Variants in RBFOX1 observed in about 807,000 individuals in gnomAD.
The protein encoded by RBFOX1 is RNA binding protein fox-1 homolog 1.
In RBFOX1, 8 loss-of-function variants were observed where a neutral mutation model predicts 57.7. That is an observed-to-expected ratio of 0.14 (90% CI 0.08 to 0.25). The LOEUF (loss-of-function observed/expected upper bound fraction) is 0.25, where lower values mean the gene tolerates loss of function less well. RBFOX1 is among the 10% of genes least tolerant of loss of function. The pLI is 1.00. For synonymous variants in RBFOX1, 326 were observed against 222.4 expected (o/e 1.47, Z -4.15); for missense variants, 611 against 548.5 (o/e 1.11, Z -1.14).
At chr16:7,379,660 C>G (rs1158939144) in intron 4 of RBFOX1, among the ~76,000 whole-genome samples, 4 of 152,090 alleles carry the variant, frequency 2.6e-5, no homozygotes, top group Non-Finnish European at 4.4e-5. Context: ...GGGTTTTAGA[C>G]AGGGTATTTA....
At chr16:6,989,306 A>G (rs1262908944) in intron 3 of RBFOX1, among the ~76,000 whole-genome samples, 1 of 152,170 alleles carries the variant, frequency 6.6e-6, no homozygotes, top group East Asian at 1.9e-4. Context: ...ATGAAGATAT[A>G]TTTACAATTA....
At chr16:6,140,439 A>G (rs963209005) in intron 1 of RBFOX1, among the ~76,000 whole-genome samples, 18 of 151,998 alleles carry the variant, frequency 1.2e-4, no homozygotes, top group African/African-American at 3.1e-4. Context: ...GAAGTGATCC[A>G]CCCATCTTGG....
intron 2 of RBFOX1, among the ~76,000 whole-genome samples, chr16:6,346,522 A>C (rs1443354487): frequency 6.6e-6 from 1 of 152,166 alleles, no homozygotes; most frequent in Non-Finnish European, 1.5e-5. Context: ...GTAACTAATC[A>C]AGGTGCTTCC....
At chr16:6,872,129 C>T (rs762595754) in intron 3 of RBFOX1, among the ~76,000 whole-genome samples, 11 of 152,086 alleles carry the variant, frequency 7.2e-5, no homozygotes, top group Admixed American at 5.2e-4. Context: ...TAATATGATA[C>T]GCTTTCTTTT....
At chr16:6,782,820 G>A (rs1451534700) in intron 3 of RBFOX1, among the ~76,000 whole-genome samples, 3 of 152,114 alleles carry the variant, frequency 2.0e-5, no homozygotes, top group Non-Finnish European at 4.4e-5. Context: ...TGCTGAAAGT[G>A]GTATGTTAAC....
chr16:6,445,134 G>A (rs986738815), intron 2 of RBFOX1, among the ~76,000 whole-genome samples: 2 of 152,066 alleles, frequency 1.3e-5, no homozygotes. Flanking sequence ...GTTAGACTTG[G>A]GATGATGGGA....
intron 3 of RBFOX1, among the ~76,000 whole-genome samples, chr16:5,810,684 G>A (rs1292600968): frequency 6.6e-6 from 1 of 152,150 alleles, no homozygotes; most frequent in Non-Finnish European, 1.5e-5. Flanking sequence ...CAGGAGTAGG[G>A]TCTTCATACA....
intron 2 of RBFOX1, among the ~76,000 whole-genome samples, chr16:6,647,757 A>T (rs1041653800): frequency 2.6e-5 from 4 of 152,034 alleles, no homozygotes; most frequent in Non-Finnish European, 4.4e-5. Flanking sequence ...TTTTTTAAAG[A>T]TGGGATCTTG....
intron 1 of RBFOX1, among the ~76,000 whole-genome samples, chr16:6,082,400 C>T (rs962633455): frequency 1.7e-5 from 2 of 115,752 alleles, no homozygotes; most frequent in African/African-American, 6.5e-5. Context: ...CATGGGGTCT[C>T]ACCAGGCTGA....
At chr16:7,612,391 CATGAAGTCTTTGGCCA>C (rs2057684152) in intron 10 of RBFOX1, among the ~76,000 whole-genome samples, 1 of 147,520 alleles carries the variant, frequency 6.8e-6, no homozygotes, top group African/African-American at 2.5e-5. Context: ...CCAGGTGAGT[CATGAAGTCTTTGGCCA>C]ATGTGTATGG....
intron 1 of RBFOX1, among the ~76,000 whole-genome samples, chr16:6,027,747 C>G (rs1451178806): frequency 1.3e-5 from 2 of 151,974 alleles, no homozygotes; most frequent in African/African-American, 2.4e-5. Flanking sequence ...TTTCACAATC[C>G]CTTTGGGCAG....
chr16:7,695,353 G>A (rs371441958), intron 14 of RBFOX1, among the ~76,000 whole-genome samples: 11 of 151,828 alleles, frequency 7.2e-5, no homozygotes, highest in Admixed American at 2.6e-4. Context: ...GTTGTAACTC[G>A]TGGTTTCAGT....
intron 1 of RBFOX1, among the ~76,000 whole-genome samples, chr16:6,107,489 G>A (rs1408735406): frequency 2.6e-5 from 4 of 152,080 alleles, no homozygotes; most frequent in Non-Finnish European, 1.5e-5. Context: ...GTCCCCTACT[G>A]TAGTGTCATA....
chr16:7,567,122 T>C (rs1601983998), intron 5 of RBFOX1, among the ~76,000 whole-genome samples: 1 of 142,152 alleles, frequency 7.0e-6, no homozygotes, highest in East Asian at 2.0e-4. Flanking sequence ...CATATATATC[T>C]CCCTATATAT....
intron 2 of RBFOX1, among the ~76,000 whole-genome samples, chr16:5,561,289 A>G (rs913306667): frequency 7.2e-5 from 11 of 152,198 alleles, no homozygotes; most frequent in Non-Finnish European, 1.5e-4. Context: ...ATGAGGACCT[A>G]TAATTAGTTG....
intron 2 of RBFOX1, among the ~76,000 whole-genome samples, chr16:6,625,586 C>T (rs1008939514): frequency 1.3e-5 from 2 of 152,162 alleles, no homozygotes; most frequent in Non-Finnish European, 2.9e-5. Flanking sequence ...ATGGTTCCTC[C>T]ATTCTAACTA....
At chr16:6,822,451 G>A (rs1180383380) in intron 3 of RBFOX1, among the ~76,000 whole-genome samples, 1 of 152,206 alleles carries the variant, frequency 6.6e-6, no homozygotes, top group Non-Finnish European at 1.5e-5. Flanking sequence ...GTAACTTGGA[G>A]GAACTTTCAG....
At chr16:7,394,953 A>G (rs1332858255) in intron 4 of RBFOX1, among the ~76,000 whole-genome samples, 3 of 152,186 alleles carry the variant, frequency 2.0e-5, no homozygotes. Flanking sequence ...GTGAGAATAT[A>G]TACCCATCAT....
chr16:6,299,252 T>C (rs2078506606), intron 1 of RBFOX1, among the ~76,000 whole-genome samples: 1 of 152,232 alleles, frequency 6.6e-6, no homozygotes, highest in South Asian at 2.1e-4. Flanking sequence ...TTCCTATTTT[T>C]GCTCTTCCGT....
Sources: allele counts gnomAD v4.1 joint callset (sites outside exome capture counted in the v4.1 genomes callset), GRCh38; gene constraint gnomAD v4.1.1; transcripts MANE v1.5; gene names NCBI Gene and HGNC (gene_info 2026-07-23, HGNC 2026-07-21).